Variants in RAB33A observed in about 807,000 individuals in gnomAD.
RAB33A encodes the protein ras-related protein Rab-33A.
In RAB33A, 6 loss-of-function variants were observed where a neutral mutation model predicts 12.0. That is an observed-to-expected ratio of 0.50 (90% CI 0.27 to 0.99). The LOEUF is 0.99. RAB33A is among the 50% of genes least tolerant of loss of function. The pLI is 0.11. For missense variants in RAB33A, 109 were observed against 192.0 expected (o/e 0.57, Z 2.55); for synonymous variants, 70 against 82.4 (o/e 0.85, Z 0.81).
At chrX:130,147,867 C>T in the RAB33A span, 5 of 1,211,641 alleles carry the variant, frequency 4.1e-6, no homozygotes, top group Non-Finnish European at 4.5e-6. Context: ...AACTTCCTCT[C>T]CTTCTGAAGC....
Position 130,184,356 on chromosome X carries a change from A to G in RAB33A, c.330A>G (p.Val110=), listed in dbSNP as rs778707498. The G allele has an allele frequency of 3.3e-6, 4 of 1,211,912 alleles. No individual in the cohort carries two copies. The South Asian group carries it at 7.0e-5, about 21-fold the overall frequency. ...TGGTCGAGCATTACTACCGCAACGT[A>G]CATGCCGTGGTCTTCGTCTATGACG... ...KSMVEHYYRN[V]HAVVFVYDVT... is the part of the protein sequence containing the mutation. The change falls in exon 2 of 2, where the codon GTA becomes GTG. Residue 110 remains valine (V), a synonymous_variant. Transcript: ENST00000257017.
chrX:130,170,978 C>T (rs372422640), upstream of RAB33A, among the ~76,000 whole-genome samples: 1 of 112,989 alleles, frequency 8.9e-6, no homozygotes, highest in East Asian at 2.8e-4. Context: ...TCTCCCGCGG[C>T]GGGCCTTCCC....
At position 130,173,658 on chromosome X, in the gene RAB33A, C is replaced by T. The variant is rs952949909; in HGVS notation, c.258+1338C>T. 2.7e-5 allele frequency among the ~76,000 whole-genome samples: 3 copies of T among 111,963 alleles called. No individual in the cohort carries two copies. In the Admixed American group the frequency reaches 2.8e-4, roughly 11 times the overall value. The stretch of plus-strand genomic sequence containing the variant: ...GGAAGATAGAACATTATTTTGAAAT[C>T]GTGATCTTTTTTGCCCCTTGCATTT... On this transcript the variant is annotated intron_variant, in intron 1 of 1. Transcript: ENST00000257017.
the RAB33A span, among the ~76,000 whole-genome samples, chrX:130,143,524 G>GT: frequency 9.0e-6 from 1 of 110,834 alleles, no homozygotes; most frequent in African/African-American, 3.3e-5. Context: ...CATGCCTCAA[G>GT]TGTGTTCCCT....
chrX:130,113,077 CTTTT>C, the RAB33A span, among the ~76,000 whole-genome samples: 2 of 46,992 alleles, frequency 4.3e-5, no homozygotes, highest in African/African-American at 9.6e-5. Flanking sequence ...TTTTTTCCTT[CTTTT>C]TTTTTTTTTT....
chrX:130,183,962 T>C (rs2031759221), intron 1 of RAB33A, among the ~76,000 whole-genome samples: 1 of 111,759 alleles, frequency 8.9e-6, no homozygotes, highest in Admixed American at 9.5e-5. Context: ...TGATCTCGGC[T>C]CACTGCAACC....
At chrX:130,167,492 C>T (rs939891405), upstream of RAB33A, among the ~76,000 whole-genome samples, 10 of 113,029 alleles carry the variant, frequency 8.8e-5, no homozygotes, top group Non-Finnish European at 1.5e-4. Flanking sequence ...CCTGTAATCC[C>T]AGCACTTTGG....
At chrX:130,137,575 A>C in the RAB33A span, 9 of 1,155,546 alleles carry the variant, frequency 7.8e-6, no homozygotes, top group African/African-American at 1.8e-5. Flanking sequence ...TTCCAACTGG[A>C]GCTCACAGAT....
chrX:130,124,576 G>A, the RAB33A span, among the ~76,000 whole-genome samples: 1 of 112,000 alleles, frequency 8.9e-6, no homozygotes, highest in African/African-American at 3.2e-5. Context: ...GAAATTCACT[G>A]GGGTCTCTGC....
At chrX:130,160,591 A>T in the RAB33A span, among the ~76,000 whole-genome samples, 3 of 111,693 alleles carry the variant, frequency 2.7e-5, no homozygotes, top group East Asian at 2.8e-4. Flanking sequence ...TACTATTAAA[A>T]TTTTTTTTAA....
At chrX:130,116,996 G>A in the RAB33A span, among the ~76,000 whole-genome samples, 5 of 112,042 alleles carry the variant, frequency 4.5e-5, no homozygotes, top group Non-Finnish European at 7.5e-5. Context: ...GGCGGATCAC[G>A]AGGTCAGGAG....
rs911138677 is a variant in RAB33A, at chrX:130,174,429, A to G, written c.258+2109A>G. The stretch of plus-strand genomic sequence containing the variant: ...GTAAAGCTGCTGCAATCTCAGGACC[A>G]TGCTGGCAGGCGAGAGACCAGCATG... On this transcript the variant is annotated intron_variant, in intron 1 of 1. Transcript: ENST00000257017. Among the ~76,000 whole-genome samples, 3 of 112,124 alleles carry G rather than the reference A, an allele frequency of 2.7e-5. No individual in the cohort carries two copies. The Admixed American group carries it at 2.8e-4, about 11-fold the overall frequency.
At chrX:130,166,134 C>G in the RAB33A span, among the ~76,000 whole-genome samples, 1 of 111,793 alleles carries the variant, frequency 8.9e-6, no homozygotes, top group East Asian at 2.8e-4. Flanking sequence ...CGGCATCGCA[C>G]TTTGTTTTTT....
chrX:130,173,921 G>A (rs912931341), intron 1 of RAB33A, among the ~76,000 whole-genome samples: 2 of 111,915 alleles, frequency 1.8e-5, no homozygotes, highest in African/African-American at 6.5e-5. Flanking sequence ...TTAAAATCAA[G>A]TGCTACAGTG....
upstream of RAB33A, among the ~76,000 whole-genome samples, chrX:130,170,789 G>A (rs889031658): frequency 2.7e-5 from 3 of 112,713 alleles, no homozygotes; most frequent in Non-Finnish European, 1.9e-5. Context: ...AAACTCCAGC[G>A]TTCTGGAGGG....
upstream of RAB33A, chrX:130,171,694 CGCG>C: frequency 2.5e-5 from 5 of 198,796 alleles, no homozygotes; most frequent in Non-Finnish European, 4.6e-5. Flanking sequence ...TGGGCCGAGG[CGCG>C]GCGGCGGCTG....
At chrX:130,183,416 G>A (rs1030972087) in intron 1 of RAB33A, among the ~76,000 whole-genome samples, 3 of 108,466 alleles carry the variant, frequency 2.8e-5, no homozygotes, top group Admixed American at 9.8e-5. Flanking sequence ...TTATCCAGGC[G>A]TGGTGGCGGG....
the RAB33A span, chrX:130,138,747 T>C: frequency 4.2e-4 from 377 of 904,740 alleles, 2 homozygotes; most frequent in African/African-American, 6.1e-3. Context: ...AAAAGGGGCA[T>C]AGGATAATAA....
At chrX:130,175,784 C>A (rs905154757) in intron 1 of RAB33A, among the ~76,000 whole-genome samples, 5 of 111,264 alleles carry the variant, frequency 4.5e-5, no homozygotes, top group Non-Finnish European at 7.6e-5. Context: ...GGCGGGAGCC[C>A]TGGGTTTACT....
Sources: gnomAD v4.1 joint callset for allele counts (sites outside exome capture counted in the v4.1 genomes callset) on GRCh38, gnomAD v4.1.1 for gene constraint, MANE v1.5 for transcripts, NCBI Gene and HGNC (gene_info 2026-07-23, HGNC 2026-07-21) for gene names.